The following GSN variants were observed in gnomAD, a reference collection of about 807,000 sequenced individuals.
The protein encoded by GSN is actin-depolymerizing factor.
In GSN, 56 loss-of-function variants were observed where a neutral mutation model predicts 85.7. The ratio of observed to expected loss-of-function variants is 0.65; its 90% CI spans 0.53 to 0.82. The LOEUF is 0.82. Among genes scored for constraint, GSN ranks in the 40% least tolerant of loss-of-function variants. The pLI is 0.00. For missense variants in GSN, 857 were observed against 979.8 expected (o/e 0.87, Z 1.67); for synonymous variants, 373 against 399.1 (o/e 0.93, Z 0.78).
intron 2 of GSN, chr9:121,284,666 G>A (rs2057845022): frequency 6.0e-6 from 1 of 167,260 alleles, no homozygotes; most frequent in Non-Finnish European, 1.5e-5. Context: ...GGGCTAGTGA[G>A]CAGGAGTGTG....
chr9:121,269,986 T>C (rs1370720679), intron 1 of GSN, among the ~76,000 whole-genome samples: 2 of 152,224 alleles, frequency 1.3e-5, no homozygotes, highest in Non-Finnish European at 2.9e-5. Context: ...TTGCCATCTA[T>C]ACTGTTTGAC....
At chr9:121,217,269 G>A (rs2054081403) in intron 4 of GSN, among the ~76,000 whole-genome samples, 1 of 152,056 alleles carries the variant, frequency 6.6e-6, no homozygotes, top group Non-Finnish European at 1.5e-5. Flanking sequence ...AGGAGGCTGA[G>A]GCAGGAGAAT....
At chr9:121,276,080 G>A (rs961516595) in intron 1 of GSN, among the ~76,000 whole-genome samples, 7 of 152,208 alleles carry the variant, frequency 4.6e-5, no homozygotes, top group East Asian at 1.9e-4. Context: ...ATTCGTGTGC[G>A]AATTCAAGTG....
Position 121,326,630 on chromosome 9 carries a change from C to G in GSN, c.1535C>G (p.Thr512Ser), listed in dbSNP as rs77681311. ...REGGQTAPAS[T>S]RLFQVRANSA... ...GGCGGGCAGACAGCCCCTGCCAGCA[C>G]CCGCCTCTTCCAGGTCCGCGCCAAC... is the stretch of plus-strand genomic sequence containing the variant. Residue 512 changes from threonine to serine, a missense_variant, in exon 13 of 18, where the codon ACC (threonine) becomes AGC (serine). Transcript: ENST00000432226. 48,986 of 1,606,480 alleles carry G rather than the reference C, an allele frequency of 0.03. 899 individuals carry two copies. Among genetic ancestry groups the G allele is most frequent in the South Asian group, 0.045 (4,024 of 90,322 alleles).
intron 16 of GSN, among the ~76,000 whole-genome samples, chr9:121,331,020 T>C (rs955184071): frequency 6.6e-6 from 1 of 152,152 alleles, no homozygotes; most frequent in Non-Finnish European, 1.5e-5. Context: ...CAGTGGAGTC[T>C]GAGGCAAACT....
At chr9:121,293,383 G>A (rs906530505) in intron 2 of GSN, among the ~76,000 whole-genome samples, 1 of 148,512 alleles carries the variant, frequency 6.7e-6, no homozygotes, top group Non-Finnish European at 1.5e-5. Flanking sequence ...CTGGAAAAGG[G>A]GAAGGAAACC....
intron 11 of GSN, among the ~76,000 whole-genome samples, chr9:121,323,438 C>T (rs2062750586): frequency 7.1e-6 from 1 of 140,320 alleles, no homozygotes; most frequent in Non-Finnish European, 1.5e-5. Context: ...GGCATGATCT[C>T]GGCTCACTGC....
At chr9:121,258,289 C>T (rs938606592) in intron 6 of GSN, among the ~76,000 whole-genome samples, 1 of 152,140 alleles carries the variant, frequency 6.6e-6, no homozygotes, top group South Asian at 2.1e-4. Flanking sequence ...GTGGTGAAAC[C>T]CTGTCTCTAC....
rs145051977 is a variant in GSN at position 121,326,649 on chromosome 9, C to T, written c.1554C>T (p.Arg518=). Residue 518 remains arginine (R), a synonymous_variant, in exon 13 of 18, where the codon CGC becomes CGT. Transcript: ENST00000432226. ...APASTRLFQV[R]ANSAGATRAV... The stretch of plus-strand genomic sequence containing the variant: ...CCAGCACCCGCCTCTTCCAGGTCCG[C>T]GCCAACAGCGCTGGAGCCACCCGGG... The T allele has an allele frequency of 1.2e-5, 20 of 1,607,954 alleles. No individual in the cohort carries two copies. The Middle Eastern group carries it at 4.9e-4, about 40-fold the overall frequency.
At chr9:121,300,240 C>T (rs896103191) in intron 2 of GSN, 2 of 742,400 alleles carry the variant, frequency 2.7e-6, no homozygotes, top group Admixed American at 1.8e-5. Flanking sequence ...ATTTCTTTTC[C>T]CCTGTCCTCC....
In GSN at chr9:121,312,350, G is replaced by C; in HGVS notation, c.525G>C (p.Gln175His). 1 of 1,614,140 alleles carries C rather than the reference G, an allele frequency of 6.2e-7. No individual in the cohort carries two copies. Among genetic ancestry groups the C allele is most frequent in the Non-Finnish European group, 8.5e-7 (1 of 1,179,996 alleles). Residue 175 changes from glutamine to histidine, a missense_variant, in exon 6 of 18, where the codon CAG becomes CAC. By Grantham distance (24) the Gln-to-His change is conservative (BLOSUM62 0). Coordinates refer to ENST00000432226, the MANE Select transcript of GSN (RefSeq NM_198252.3). ...FILDLGNNIH[Q>H]WCGSNSNRYE... ...TCTCTGTCTTCCAGAACATCCACCA[G>C]TGGTGTGGTTCCAACAGCAATCGGT...
rs140894273 is a variant in GSN, at chr9:121,297,372, C to A, written c.-9-4591C>A. 1.4e-3 allele frequency among the ~76,000 whole-genome samples: 220 copies of A among 152,214 alleles called. 1 individual carries two copies. The highest frequency in any genetic ancestry group is 5.0e-3 in the African/African-American group (209 of 41,524). On this transcript the variant is annotated intron_variant, in intron 2 of 17. Coordinates refer to ENST00000432226, the MANE Select transcript of GSN (RefSeq NM_198252.3). ...TAGTAGATTTAATTGGTTATATAAT[C>A]TTCACCATAATCTAGTATTAGAATA...
upstream of GSN, chr9:121,268,161 C>T (rs935561912): frequency 6.6e-6 from 1 of 152,040 alleles, no homozygotes; most frequent in Non-Finnish European, 1.5e-5. Flanking sequence ...CCCCGCCGCC[C>T]GGAACCAGCT....
intron 12 of GSN, 69 bp downstream of exon 12, chr9:121,324,713 ACT>A: frequency 2.6e-6 from 2 of 763,950 alleles, no homozygotes; most frequent in Admixed American, 2.0e-5. Context: ...CATCTGTCTG[ACT>A]CTCATCCATC....
chr9:121,265,660 G>C (rs550620278), upstream of GSN: 1 of 152,340 alleles, frequency 6.6e-6, no homozygotes, highest in African/African-American at 2.4e-5. Context: ...TTTCTCCCCA[G>C]CCTCACTCTG....
At chr9:121,331,256 CTTAGTT>C (rs1428462667) in intron 16 of GSN, 126 bp from the exon 17 acceptor site, 2 of 688,196 alleles carry the variant, frequency 2.9e-6, no homozygotes, top group Non-Finnish European at 5.3e-6. Flanking sequence ...TCCTTCCAGT[CTTAGTT>C]CATGGGCTCT....
At chr9:121,241,749 G>A (rs765225018) in intron 5 of GSN, among the ~76,000 whole-genome samples, 2 of 152,094 alleles carry the variant, frequency 1.3e-5, no homozygotes, top group Non-Finnish European at 1.5e-5. Context: ...TATTAAACTC[G>A]GATACATCAT....
At position 121,302,991 on chromosome 9, in the gene GSN, G is replaced by A. The variant is rs760357425; in HGVS notation, c.277G>A (p.Val93Met). The A allele has an allele frequency of 2.0e-5, 33 of 1,613,866 alleles. No individual in the cohort carries two copies. Among genetic ancestry groups the A allele is most frequent in the South Asian group, 3.3e-5 (3 of 91,094 alleles). Reference sequence around the variant, plus strand: ...GGATGACTACCTGAACGGCCGGGCCGTGCAGCACCGTGAGGTCCAGGGCTT... The same window carrying A: ...GGATGACTACCTGAACGGCCGGGCCATGCAGCACCGTGAGGTCCAGGGCTT... ...QLDDYLNGRA[V>M]QHREVQGFES... is the part of the protein sequence containing the mutation. The change falls in exon 4 of 18, where the codon GTG becomes ATG. Residue 93 changes from valine (V) to methionine (M), a missense_variant. Transcript: ENST00000432226.
At chr9:121,310,910 G>A in intron 5 of GSN, 65 bp downstream of exon 5, 4 of 1,450,262 alleles carry the variant, frequency 2.8e-6, no homozygotes, top group Non-Finnish European at 2.9e-6. Flanking sequence ...AGGGACTTGG[G>A]TACATCCACG....
Sources: allele counts gnomAD v4.1 joint callset (sites outside exome capture counted in the v4.1 genomes callset), GRCh38; gene constraint gnomAD v4.1.1; transcripts MANE v1.5; gene names NCBI Gene and HGNC (gene_info 2026-07-23, HGNC 2026-07-21).